ARMC2: variants seen among roughly 807,000 people sequenced by gnomAD.
ARMC2 encodes the protein armadillo repeat containing 2, also known as armadillo repeat-containing protein 2.
A neutral mutation model predicts 90.3 loss-of-function variants in ARMC2; 67 were observed. The ratio of observed to expected loss-of-function variants is 0.74; its 90% CI spans 0.61 to 0.91. ARMC2 has a LOEUF of 0.91. Among genes scored for constraint, ARMC2 ranks in the 40% least tolerant of loss-of-function variants. The pLI is 0.00. For synonymous variants in ARMC2, 393 were observed against 393.0 expected, an observed-to-expected ratio of 1.00 and a Z score of 0.00; for missense variants, 920 against 1,030.9, an observed-to-expected ratio of 0.89 and a Z score of 1.47.
chr6:108,937,482 G>C (rs765787246), intron 12 of ARMC2, among the ~76,000 whole-genome samples: 31 of 152,158 alleles, frequency 2.0e-4, no homozygotes, highest in Non-Finnish European at 1.2e-4. Context: ...GCACTGGATA[G>C]TCCCTGAAGA....
chr6:108,928,803 G>C (rs1775301842), intron 11 of ARMC2, among the ~76,000 whole-genome samples: 1 of 152,058 alleles, frequency 6.6e-6, no homozygotes, highest in Non-Finnish European at 1.5e-5. Flanking sequence ...ATGCATTTCT[G>C]TTTCCTCCCG....
At chr6:109,049,502 A>G in the ARMC2 span, among the ~76,000 whole-genome samples, 1 of 152,106 alleles carries the variant, frequency 6.6e-6, no homozygotes, top group East Asian at 1.9e-4. Context: ...ACAATATTAT[A>G]TATTTTCAAA....
In ARMC2 at chr6:108,947,643, A is replaced by G. The variant is rs186511275; in HGVS notation, c.1597-5390A>G. Among the ~76,000 whole-genome samples, 15 of 152,294 alleles carry G rather than the reference A, an allele frequency of 9.8e-5. No homozygotes were observed. The East Asian group carries it at 2.9e-3, about 29-fold the overall frequency. ...ACTTGTTTGCTCATTGGGGCATAAC[A>G]TCTGCGAAACTAATGACAATATCCC... On this transcript the variant is annotated intron_variant, in intron 12 of 17. Coordinates refer to ENST00000392644, the MANE Select transcript of ARMC2 (RefSeq NM_032131.6).
At chr6:108,892,527 A>G (rs544668151) in intron 5 of ARMC2, among the ~76,000 whole-genome samples, 1 of 152,148 alleles carries the variant, frequency 6.6e-6, no homozygotes, top group Admixed American at 6.5e-5. Flanking sequence ...TGGGAGGCCG[A>G]GGCAGGCGGA....
At chr6:108,906,246 G>A (rs1229927512) in intron 8 of ARMC2, among the ~76,000 whole-genome samples, 1 of 152,050 alleles carries the variant, frequency 6.6e-6, no homozygotes, top group Non-Finnish European at 1.5e-5. Flanking sequence ...TATACAGTAT[G>A]AATGTGACTA....
intron 8 of ARMC2, chr6:108,907,819 C>A: frequency 4.4e-6 from 7 of 1,608,286 alleles, no homozygotes; most frequent in Non-Finnish European, 5.9e-6. Flanking sequence ...TTGGCAGCTC[C>A]CCCAGTTTGA....
chr6:108,868,846 C>T lies in ARMC2; in HGVS notation c.314C>T (p.Pro105Leu), dbSNP rs1002401383. ...CAGAAACCGAAAGTTCCAGCATCTC[C>T]CACCAGAGAGGAGGATTCCTGCTTT... Reference protein sequence around the residue: ...LELKPKVPASPTREEDSCFSF... With the variant: ...LELKPKVPASLTREEDSCFSF... The change falls in exon 4 of 18, where the codon CCC becomes CTC. Residue 105 changes from proline to leucine, a missense_variant. By Grantham distance (98) the Pro-to-Leu change is moderately conservative (BLOSUM62 -3). Coordinates refer to ENST00000392644, the MANE Select transcript of ARMC2 (RefSeq NM_032131.6). 1.9e-6 allele frequency: 3 copies of T among 1,612,890 alleles called. No individual in the cohort carries two copies. The East Asian group carries it at 6.7e-5, about 36-fold the overall frequency.
chr6:108,990,544 G>A, the ARMC2 span: 2 of 1,050,568 alleles, frequency 1.9e-6, no homozygotes, highest in South Asian at 1.4e-5. Flanking sequence ...GAGGGGATGG[G>A]TTTTGATTAT....
downstream of ARMC2, chr6:108,974,511 A>G (rs924789957): frequency 1.3e-5 from 2 of 152,200 alleles, no homozygotes; most frequent in South Asian, 4.1e-4. Context: ...ATACTAGCCA[A>G]ATGAAGATGA....
intron 2 of ARMC2, among the ~76,000 whole-genome samples, chr6:108,855,642 T>C (rs960572997): frequency 2.0e-5 from 3 of 152,216 alleles, no homozygotes; most frequent in Non-Finnish European, 4.4e-5. Flanking sequence ...ACTGCCAAAC[T>C]GTCTTCCAAA....
Position 108,965,062 on chromosome 6 carries a change from G to GA in ARMC2, c.2372dup (p.Asn791LysfsTer4). ...TTGTAAAACTTTATGGAACTTCAGT[G>GA]AAAACATCACTAATGCTTCGTCATG... On this transcript the variant is annotated frameshift_variant, in exon 17 of 18. Transcript: ENST00000392644. LOFTEE classifies it high-confidence loss of function. 6.2e-7 allele frequency: 1 copy of GA among 1,613,700 alleles called. No homozygotes were observed. The highest frequency in any genetic ancestry group is 8.5e-7 in the Non-Finnish European group (1 of 1,179,662).
chr6:108,950,197 C>G (rs555689170), intron 12 of ARMC2, among the ~76,000 whole-genome samples: 1 of 152,246 alleles, frequency 6.6e-6, no homozygotes, highest in African/African-American at 2.4e-5. Context: ...CAGAGCAATA[C>G]TCTGTCTCAA....
the ARMC2 span, chr6:108,992,874 T>C: frequency 6.2e-7 from 1 of 1,612,898 alleles, no homozygotes; most frequent in East Asian, 2.2e-5. Flanking sequence ...GAGATACAGC[T>C]CTTGCTGGTG....
At chr6:108,959,740 C>A (rs1425450844) in intron 13 of ARMC2, among the ~76,000 whole-genome samples, 1 of 152,094 alleles carries the variant, frequency 6.6e-6, no homozygotes, top group Non-Finnish European at 1.5e-5. Flanking sequence ...GACTGGAGTG[C>A]AGTGGTGCAA....
chr6:109,035,508 T>C, the ARMC2 span, among the ~76,000 whole-genome samples: 1 of 150,816 alleles, frequency 6.6e-6, no homozygotes, highest in African/African-American at 2.4e-5. Context: ...TGTTCAGGAC[T>C]CTTGGGGACA....
chr6:109,033,217 G>A, the ARMC2 span, among the ~76,000 whole-genome samples: 1 of 152,166 alleles, frequency 6.6e-6, no homozygotes, highest in Admixed American at 6.5e-5. Flanking sequence ...GCTAAAGAGA[G>A]TGCAGTGGTC....
intron 12 of ARMC2, among the ~76,000 whole-genome samples, chr6:108,946,235 G>T (rs975899669): frequency 3.9e-5 from 6 of 152,198 alleles, no homozygotes; most frequent in Non-Finnish European, 8.8e-5. Flanking sequence ...TCTAGCATTG[G>T]CCTGGTACTT....
chr6:108,864,629 C>T (rs184721880), intron 3 of ARMC2, among the ~76,000 whole-genome samples: 1 of 152,198 alleles, frequency 6.6e-6, no homozygotes, highest in East Asian at 1.9e-4. Flanking sequence ...GTGTGTTCTG[C>T]TGCTTTACAG....
chr6:108,951,201 G>A (rs192176095), intron 12 of ARMC2, among the ~76,000 whole-genome samples: 4 of 152,296 alleles, frequency 2.6e-5, no homozygotes, highest in Admixed American at 1.3e-4. Flanking sequence ...TTCACGTCTC[G>A]CTTCTTCCTT....
Sources: allele counts gnomAD v4.1 joint callset (sites outside exome capture counted in the v4.1 genomes callset), GRCh38; gene constraint gnomAD v4.1.1; transcripts MANE v1.5; gene names NCBI Gene and HGNC (gene_info 2026-07-23, HGNC 2026-07-21).